Variants in FSHR observed in about 807,000 individuals in gnomAD.
FSHR encodes follicle stimulating hormone receptor, also known as follicle-stimulating hormone receptor.
FSHR carries 46 observed loss-of-function variants against 52.1 expected under a neutral mutation model. That is an observed-to-expected ratio of 0.88 (90% CI 0.70 to 1.13). FSHR has a LOEUF of 1.13. Ranked by LOEUF, FSHR falls within the 50% of genes most tolerant of loss-of-function variation. FSHR has a pLI of 0.00. For synonymous variants in FSHR, 399 were observed against 309.6 expected (o/e 1.29, Z -3.03); for missense variants, 964 against 834.6 (o/e 1.16, Z -1.91).
intron 1 of FSHR, among the ~76,000 whole-genome samples, chr2:49,092,990 T>C (rs1670670261): frequency 6.6e-6 from 1 of 152,218 alleles, no homozygotes; most frequent in Non-Finnish European, 1.5e-5. Flanking sequence ...CAACACAGTC[T>C]TGCATTCTTG....
chr2:49,139,142 A>G (rs969117173), intron 1 of FSHR, among the ~76,000 whole-genome samples: 2 of 152,218 alleles, frequency 1.3e-5, no homozygotes, highest in Non-Finnish European at 2.9e-5. Flanking sequence ...TCATCTGGCA[A>G]TGTTTTCTAA....
chr2:48,966,134 T>C (rs545175316), intron 9 of FSHR, among the ~76,000 whole-genome samples: 11 of 152,266 alleles, frequency 7.2e-5, no homozygotes, highest in South Asian at 2.1e-4. Context: ...GATATTACCA[T>C]TGTGGGAATT....
intron 4 of FSHR, among the ~76,000 whole-genome samples, chr2:49,003,486 G>A (rs1366410623): frequency 8.5e-5 from 13 of 152,152 alleles, no homozygotes; most frequent in African/African-American, 1.9e-4. Flanking sequence ...GGAAGACAAC[G>A]TCCTTCCCAG....
At chr2:49,136,725 TTAA>T (rs754988702) in intron 1 of FSHR, among the ~76,000 whole-genome samples, 1 of 152,128 alleles carries the variant, frequency 6.6e-6, no homozygotes, top group Non-Finnish European at 1.5e-5. Flanking sequence ...CAAAAATCAA[TTAA>T]TGTAATATAT....
At chr2:49,052,363 C>T (rs1668893531) in intron 2 of FSHR, among the ~76,000 whole-genome samples, 1 of 152,190 alleles carries the variant, frequency 6.6e-6, no homozygotes, top group African/African-American at 2.4e-5. Flanking sequence ...AGATGATACA[C>T]TTTACATACT....
intron 2 of FSHR, among the ~76,000 whole-genome samples, chr2:49,064,611 C>G (rs1669435759): frequency 6.6e-6 from 1 of 152,014 alleles, no homozygotes; most frequent in African/African-American, 2.4e-5. Context: ...TATAGCAGCA[C>G]AAACGGACTA....
chr2:49,086,230 C>T (rs1203379057), intron 1 of FSHR, among the ~76,000 whole-genome samples: 1 of 152,166 alleles, frequency 6.6e-6, no homozygotes, highest in Non-Finnish European at 1.5e-5. Context: ...TATTTCAGCC[C>T]ATACTACATT....
At chr2:49,126,388 G>T (rs890075973) in intron 1 of FSHR, among the ~76,000 whole-genome samples, 1 of 152,116 alleles carries the variant, frequency 6.6e-6, no homozygotes, top group Non-Finnish European at 1.5e-5. Flanking sequence ...CACCATTCCT[G>T]CAATAATGCA....
At chr2:49,108,891 A>G (rs1671328659) in intron 1 of FSHR, among the ~76,000 whole-genome samples, 1 of 152,176 alleles carries the variant, frequency 6.6e-6, no homozygotes, top group African/African-American at 2.4e-5. Context: ...TCTCTAAAAT[A>G]TATAACCTAA....
At chr2:48,970,918 A>G (rs1674713567) in intron 8 of FSHR, among the ~76,000 whole-genome samples, 1 of 152,098 alleles carries the variant, frequency 6.6e-6, no homozygotes, top group Non-Finnish European at 1.5e-5. Flanking sequence ...ATGTGTTTCA[A>G]ATCAGCCTAC....
chr2:49,152,568 A>C (rs989000444), intron 1 of FSHR, among the ~76,000 whole-genome samples: 3 of 151,986 alleles, frequency 2.0e-5, no homozygotes, highest in Admixed American at 1.3e-4. Context: ...CTGCAGAATG[A>C]AAAAAGAAAA....
chr2:48,974,460 G>A (rs1674892975), intron 8 of FSHR, among the ~76,000 whole-genome samples: 1 of 152,200 alleles, frequency 6.6e-6, no homozygotes. Flanking sequence ...GCTGTGAGAC[G>A]AAGGCATCTT....
intron 1 of FSHR, among the ~76,000 whole-genome samples, chr2:49,077,590 C>T (rs2134810): frequency 0.19 from 29,601 of 152,156 alleles, 3,119 homozygotes; most frequent in East Asian, 0.28. Context: ...TTGACTATTT[C>T]CTCAGAAATT....
intron 8 of FSHR, among the ~76,000 whole-genome samples, chr2:48,975,261 C>A (rs930303342): frequency 6.6e-6 from 1 of 152,064 alleles, no homozygotes; most frequent in African/African-American, 2.4e-5. Flanking sequence ...GGTTCTCAGG[C>A]TTTTGGACTC....
intron 4 of FSHR, among the ~76,000 whole-genome samples, chr2:49,000,864 A>G (rs1666851021): frequency 6.6e-6 from 1 of 152,164 alleles, no homozygotes. Flanking sequence ...GCAGTAGACC[A>G]GAACACTGCT....
chr2:49,027,850 C>CAAAAAA (rs397868435), intron 2 of FSHR, among the ~76,000 whole-genome samples: 1 of 49,974 alleles, frequency 2.0e-5, no homozygotes, highest in Non-Finnish European at 4.2e-5. Context: ...ACTCTTTCTC[C>CAAAAAA]AAAAAAAAAA....
At chr2:48,981,913 G>T (rs1559094586) in intron 8 of FSHR, among the ~76,000 whole-genome samples, 1 of 152,140 alleles carries the variant, frequency 6.6e-6, no homozygotes, top group African/African-American at 2.4e-5. Context: ...TTGACTTAAG[G>T]CAGGCTACAT....
At position 48,963,649 on chromosome 2, in the gene FSHR, TG is replaced by T. The variant is rs751776676; in HGVS notation, c.1171del (p.Gln391AsnfsTer70). On this transcript the variant is annotated frameshift_variant, in exon 10 of 10. Transcript: ENST00000406846. LOFTEE classifies it high-confidence loss of function. ...GAACCTGGGGACTGTGAGTTTATATTGGCTGGTAGTTAGGATCACTAGCACT... is the reference window on the plus strand; with the variant it reads ...GAACCTGGGGACTGTGAGTTTATATTGCTGGTAGTTAGGATCACTAGCACT... ...IIVLVILTTS[Q>X]YKLTVPRFLM... 1.2e-6 allele frequency: 2 copies of T among 1,614,154 alleles called. No homozygotes were observed. The highest frequency in any genetic ancestry group is 2.2e-5 in the South Asian group (2 of 91,078).
intron 4 of FSHR, among the ~76,000 whole-genome samples, chr2:49,006,198 C>A (rs895225451): frequency 3.9e-5 from 6 of 152,030 alleles, no homozygotes; most frequent in Admixed American, 3.9e-4. Context: ...ATACATCTAA[C>A]CTATTAGTTA....
Sources: gnomAD v4.1 joint callset for allele counts (sites outside exome capture counted in the v4.1 genomes callset) on GRCh38, gnomAD v4.1.1 for gene constraint, MANE v1.5 for transcripts, NCBI Gene and HGNC (gene_info 2026-07-23, HGNC 2026-07-21) for gene names.